Variants in PDZK1 observed in about 807,000 individuals in gnomAD.
PDZK1 encodes PDZ domain containing 1.
Under a neutral mutation model 38.1 loss-of-function variants are expected in PDZK1, and 23 were observed. The ratio of observed to expected loss-of-function variants is 0.60; its 90% CI spans 0.43 to 0.85. The LOEUF is 0.85. Ranked by LOEUF, PDZK1 falls within the 40% of genes least tolerant of loss-of-function variation. PDZK1 has a pLI of 0.00. For missense variants in PDZK1, 297 were observed against 504.3 expected (o/e 0.59, Z 3.94); for synonymous variants, 98 against 186.2 (o/e 0.53, Z 3.86).
At chr1:145,705,833 C>T (rs910870667) in intron 1 of PDZK1, among the ~76,000 whole-genome samples, 2 of 152,186 alleles carry the variant, frequency 1.3e-5, no homozygotes, top group African/African-American at 2.4e-5. Context: ...TCACTGTAGC[C>T]TCGACCCCCT....
chr1:145,687,890 T>C lies in PDZK1; in HGVS notation c.132A>G (p.Ala44=). The C allele has an allele frequency of 1.2e-6, 2 of 1,613,942 alleles. No individual in the cohort carries two copies. The highest frequency in any genetic ancestry group is 1.7e-6 in the Non-Finnish European group (2 of 1,179,900). The change falls in exon 2 of 9, where the codon GCA becomes GCG. Residue 44 remains alanine (A), a synonymous_variant. Coordinates refer to ENST00000417171, the MANE Select transcript of PDZK1 (RefSeq NM_001201325.2). ...LVRVVEKCSP[A]EKAGLQDGDR... is the part of the protein sequence containing the mutation. ...CTCCATCTTGAAGGCCAGCCTTCTC[T>C]GCTGGGCTACACTTCTCAACCACCC...
At chr1:145,674,608 G>A (rs1290851478) in intron 6 of PDZK1, among the ~76,000 whole-genome samples, 3 of 151,988 alleles carry the variant, frequency 2.0e-5, no homozygotes, top group African/African-American at 7.3e-5. Context: ...ATCTACAGCC[G>A]CAGCCCCCCA....
At chr1:145,675,032 G>A (rs1285799846) in intron 6 of PDZK1, among the ~76,000 whole-genome samples, 2 of 152,016 alleles carry the variant, frequency 1.3e-5, no homozygotes, top group African/African-American at 4.8e-5. Context: ...CCAGACCTGG[G>A]ATCTGTGCTT....
At chr1:145,676,549 C>T (rs1425413526) in intron 6 of PDZK1, among the ~76,000 whole-genome samples, 1 of 149,458 alleles carries the variant, frequency 6.7e-6, no homozygotes, top group Non-Finnish European at 1.5e-5. Context: ...TCCTGGCCAA[C>T]ATGGTAAAAC....
intron 1 of PDZK1, among the ~76,000 whole-genome samples, chr1:145,694,436 A>T (rs1655496155): frequency 1.3e-5 from 2 of 152,186 alleles, no homozygotes; most frequent in Admixed American, 1.3e-4. Context: ...TTTCCATTTC[A>T]GCATCAAGAA....
At chr1:145,699,918 G>T (rs144603596) in intron 1 of PDZK1, among the ~76,000 whole-genome samples, 4 of 152,156 alleles carry the variant, frequency 2.6e-5, no homozygotes, top group African/African-American at 9.7e-5. Flanking sequence ...TGTGGATGCC[G>T]TGAAGATGGC....
At chr1:145,688,172 T>G in intron 1 of PDZK1, 149 bp from the exon 2 acceptor site, 1 of 698,036 alleles carries the variant, frequency 1.4e-6, no homozygotes, top group South Asian at 1.8e-5. Flanking sequence ...GGAGGACACC[T>G]TCCAGAACTT....
chr1:145,672,091 G>A (rs1446520131), intron 8 of PDZK1, among the ~76,000 whole-genome samples: 1 of 152,108 alleles, frequency 6.6e-6, no homozygotes, highest in Admixed American at 6.6e-5. Context: ...TCGACCTCAA[G>A]TTCATCTATG....
intron 8 of PDZK1, 63 bp from the exon 9 acceptor site, chr1:145,671,552 T>C: frequency 9.8e-7 from 1 of 1,019,900 alleles, no homozygotes; most frequent in African/African-American, 1.6e-5. Flanking sequence ...TGATCTATTC[T>C]AGAGTTGCAT....
At chr1:145,689,942 T>C (rs587676134) in intron 1 of PDZK1, among the ~76,000 whole-genome samples, 2 of 152,006 alleles carry the variant, frequency 1.3e-5, no homozygotes, top group South Asian at 4.2e-4. Context: ...CTCCGCAAAG[T>C]CTGAAGCCCC....
chr1:145,684,310 A>G (rs1432366998), intron 3 of PDZK1, among the ~76,000 whole-genome samples: 82 of 139,474 alleles, frequency 5.9e-4, no homozygotes, highest in African/African-American at 2.1e-3. Flanking sequence ...CCGGGTTCAC[A>G]CCATTCTCCT....
intron 1 of PDZK1, among the ~76,000 whole-genome samples, chr1:145,703,535 C>T (rs1306813970): frequency 1.3e-5 from 2 of 152,074 alleles, no homozygotes; most frequent in South Asian, 2.1e-4. Flanking sequence ...TAAGCAGAGT[C>T]TGGATTCAAA....
intron 3 of PDZK1, among the ~76,000 whole-genome samples, chr1:145,685,537 A>G (rs1654675080): frequency 6.6e-6 from 1 of 152,070 alleles, no homozygotes; most frequent in African/African-American, 2.4e-5. Context: ...GTGTTTAATA[A>G]CTGACAGACC....
intron 1 of PDZK1, among the ~76,000 whole-genome samples, chr1:145,704,963 A>G (rs1449143575): frequency 6.6e-6 from 1 of 152,172 alleles, no homozygotes; most frequent in Non-Finnish European, 1.5e-5. Context: ...TGCCACACTA[A>G]TTCCATTTAT....
At chr1:145,694,057 C>T (rs1169638115) in intron 1 of PDZK1, among the ~76,000 whole-genome samples, 11 of 152,166 alleles carry the variant, frequency 7.2e-5, no homozygotes, top group African/African-American at 2.7e-4. Flanking sequence ...CTTGTGCCTC[C>T]CTCCCCAAGT....
intron 3 of PDZK1, among the ~76,000 whole-genome samples, chr1:145,683,845 C>CTT (rs781826650): frequency 5.8e-5 from 8 of 138,054 alleles, no homozygotes; most frequent in Non-Finnish European, 9.5e-5. Context: ...ACTTTACAGC[C>CTT]TTTTTTTTTT....
chr1:145,705,820 G>A (rs1243830717), intron 1 of PDZK1, among the ~76,000 whole-genome samples: 3 of 152,014 alleles, frequency 2.0e-5, no homozygotes, highest in African/African-American at 7.3e-5. Context: ...ATGCAATCAC[G>A]GCTCACTGTA....
chr1:145,688,696 C>A, intron 1 of PDZK1, among the ~76,000 whole-genome samples: 1 of 152,272 alleles, frequency 6.6e-6, no homozygotes, highest in Non-Finnish European at 1.5e-5. Context: ...CACAGTGGCT[C>A]ACCCCTGTAT....
rs189992100 is a variant in PDZK1 at position 145,676,405 on chromosome 1, C to T, written c.990+2044G>A. Among the ~76,000 whole-genome samples, 4 of 152,018 alleles carry T rather than the reference C, an allele frequency of 2.6e-5. No homozygotes were observed. In the East Asian group the frequency reaches 7.8e-4, roughly 29 times the overall value. ...TAAGCCAAAAGCTAGCTCCCTATGG[C>T]TTCTCTGGTCCTGTTGTGCCCCATA... On this transcript the variant is annotated intron_variant, in intron 6 of 8. Transcript: ENST00000417171.
Sources: allele counts gnomAD v4.1 joint callset (sites outside exome capture counted in the v4.1 genomes callset), GRCh38; gene constraint gnomAD v4.1.1; transcripts MANE v1.5; gene names NCBI Gene and HGNC (gene_info 2026-07-23, HGNC 2026-07-21).